Variants in AKAP9 observed in about 807,000 individuals in gnomAD.
AKAP9 encodes A-kinase anchor protein 9.
AKAP9 carries 311 observed loss-of-function variants against 488.5 expected under a neutral mutation model. That is an observed-to-expected ratio of 0.64 (90% CI 0.58 to 0.70). AKAP9 has a LOEUF of 0.70. AKAP9 is among the 30% of genes least tolerant of loss of function. AKAP9 has a pLI of 0.00. For missense variants in AKAP9, 4,215 were observed against 4,374.5 expected (o/e 0.96, Z 1.03); for synonymous variants, 1,462 against 1,483.5 (o/e 0.99, Z 0.33).
intron 21 of AKAP9, among the ~76,000 whole-genome samples, chr7:92,051,170 GCT>G (rs1297832683): frequency 6.6e-6 from 1 of 152,026 alleles, no homozygotes; most frequent in Non-Finnish European, 1.5e-5. Flanking sequence ...CCTTCTTTTA[GCT>G]CTCTCACCTA....
intron 11 of AKAP9, 61 bp downstream of exon 11, chr7:92,016,328 G>T (rs1801506195): frequency 1.6e-6 from 2 of 1,223,200 alleles, no homozygotes; most frequent in Admixed American, 2.4e-5. Flanking sequence ...ATTGATGACA[G>T]ATTTTTACTT....
chr7:92,041,146 A>G (rs1806038480), intron 18 of AKAP9: 2 of 451,022 alleles, frequency 4.4e-6, no homozygotes, highest in African/African-American at 4.0e-5. Context: ...CTGTCATTTT[A>G]TTTAACTCCT....
chr7:91,968,597 A>G (rs576851298), intron 1 of AKAP9, among the ~76,000 whole-genome samples: 40 of 152,094 alleles, frequency 2.6e-4, no homozygotes, highest in African/African-American at 9.6e-4. Flanking sequence ...TTTCATTTGT[A>G]TCTGCTCTGA....
chr7:92,048,486 A>G (rs913997639), intron 21 of AKAP9, among the ~76,000 whole-genome samples: 4 of 151,832 alleles, frequency 2.6e-5, no homozygotes, highest in African/African-American at 7.3e-5. Context: ...GGTTGTGTTG[A>G]AAAAAAAATT....
At chr7:92,102,442 TTACTATTACTACTAC>T (rs1335835261) in intron 45 of AKAP9, 137 bp from the exon 46 acceptor site, 8 of 554,284 alleles carry the variant, frequency 1.4e-5, no homozygotes, top group South Asian at 2.3e-5. Flanking sequence ...ACCTGCCGTT[TTACTATTACTACTAC>T]TACTACTACT....
intron 1 of AKAP9, among the ~76,000 whole-genome samples, chr7:91,966,537 G>A (rs1794463876): frequency 6.6e-6 from 1 of 152,194 alleles, no homozygotes; most frequent in Non-Finnish European, 1.5e-5. Context: ...TGGATAAAAT[G>A]TTTTGTAAAT....
chr7:92,024,209 C>G (rs1277415446), intron 14 of AKAP9, among the ~76,000 whole-genome samples: 1 of 151,276 alleles, frequency 6.6e-6, no homozygotes, highest in East Asian at 1.9e-4. Context: ...GTTAGGAGTT[C>G]GAGACCAGCC....
chr7:91,947,766 C>G (rs373571586), intron 1 of AKAP9, among the ~76,000 whole-genome samples: 1 of 152,158 alleles, frequency 6.6e-6, no homozygotes, highest in Non-Finnish European at 1.5e-5. Context: ...TTTGAGTTCT[C>G]TAGGTGCTAG....
chr7:92,056,286 G>T (rs73407518), intron 22 of AKAP9, among the ~76,000 whole-genome samples: 1 of 151,804 alleles, frequency 6.6e-6, no homozygotes, highest in East Asian at 1.9e-4. Context: ...TCAAATAAGA[G>T]AAACTAGATA....
At chr7:92,054,094 C>A (rs141960142) in intron 22 of AKAP9, among the ~76,000 whole-genome samples, 35 of 152,128 alleles carry the variant, frequency 2.3e-4, no homozygotes, top group African/African-American at 7.7e-4. Context: ...TGGGAGTAGG[C>A]GTTTTTAAAA....
chr7:91,982,235 A>G (rs1275339195), intron 3 of AKAP9, among the ~76,000 whole-genome samples: 5 of 151,992 alleles, frequency 3.3e-5, no homozygotes, highest in Non-Finnish European at 7.4e-5. Context: ...GTACCTGTGC[A>G]CAATGTGCAG....
rs551280652 is a variant in AKAP9, at chr7:91,963,582, A to G, written c.49-10129A>G. Among the ~76,000 whole-genome samples, 538 of 151,494 alleles carry G rather than the reference A, an allele frequency of 3.6e-3. 4 individuals carry two copies. Among genetic ancestry groups the G allele is most frequent in the African/African-American group, 0.012 (509 of 41,292 alleles). On this transcript the variant is annotated intron_variant, in intron 1 of 49. Transcript: ENST00000356239. ...GCCCAGGCTAGAGTGCAGTGGCATG[A>G]TCTCGGCTCACTGCAAGCTCCGCCT...
In AKAP9 at chr7:92,014,232, AT is replaced by A; in HGVS notation, c.3533-15del. ...GTATGTAAATTGAATTTCTTAATCC[AT>A]TATCTGTTCTATTAGGTGATGAAGG... On this transcript the variant is annotated splice_polypyrimidine_tract_variant and intron_variant, in intron 9 of 49. Transcript: ENST00000356239. 2 of 1,569,762 alleles carry A rather than the reference AT, an allele frequency of 1.3e-6. No homozygotes were observed. The highest frequency in any genetic ancestry group is 1.1e-5 in the South Asian group (1 of 89,844).
rs141768893 is a variant in AKAP9 at position 92,030,840 on chromosome 7, T to C, written c.4246-672T>C. Among the ~76,000 whole-genome samples, 112 of 152,226 alleles carry C rather than the reference T, an allele frequency of 7.4e-4. No homozygotes were observed. The East Asian group carries it at 0.011, about 14-fold the overall frequency. On this transcript the variant is annotated intron_variant, in intron 15 of 49. Coordinates refer to ENST00000356239, the MANE Select transcript of AKAP9 (RefSeq NM_005751.5). ...TTCTAAATTTCTCACACCTGCAACT[T>C]TCTCAAACTGGCAACTGCCAAACCC...
At chr7:91,961,452 A>G (rs953125775) in intron 1 of AKAP9, among the ~76,000 whole-genome samples, 2 of 151,830 alleles carry the variant, frequency 1.3e-5, no homozygotes, top group Middle Eastern at 3.2e-3. Context: ...TGCAGGGATT[A>G]CAGGTGTGAG....
Position 92,095,070 on chromosome 7 carries a change from C to T in AKAP9, c.9626C>T (p.Thr3209Ile). Reference sequence around the variant, plus strand: ...GATGAAGTACATTTGCTTAATGACACATTAGCAAGTGAACAGAAAAAATCA... The same window carrying T: ...GATGAAGTACATTTGCTTAATGACATATTAGCAAGTGAACAGAAAAAATCA... ...KTDEVHLLND[T>I]LASEQKKSRE... The change falls in exon 40 of 50, where the codon ACA becomes ATA. Residue 3209 changes from threonine to isoleucine, a missense_variant. Thr to Ile is a moderately conservative substitution (Grantham distance 89, BLOSUM62 -1). This residue lies in a region of AKAP9 where 1,476 missense variants were observed against 1,477.4 expected (regional missense o/e 1.00). Coordinates refer to ENST00000356239, the MANE Select transcript of AKAP9 (RefSeq NM_005751.5). 2 of 1,613,748 alleles carry T rather than the reference C, an allele frequency of 1.2e-6. No homozygotes were observed. The highest frequency in any genetic ancestry group is 1.1e-5 in the South Asian group (1 of 91,080).
chr7:92,099,987 T>C lies in AKAP9; in HGVS notation c.10896+118T>C, dbSNP rs550727287. 4.0e-5 allele frequency: 38 copies of C among 950,168 alleles called. No homozygotes were observed. The Admixed American group carries it at 7.2e-4, about 18-fold the overall frequency. The allele number at this position is 950,168 out of a possible 1,614,324, so 58.9% of individuals were successfully genotyped here. ...ACTATCACACACCTGATTCTTAGGA[T>C]CTGTAGAAAATTTTATAGGGATGAC... is the stretch of plus-strand genomic sequence containing the variant. On this transcript the variant is annotated intron_variant, in intron 44 of 49. Transcript: ENST00000356239.
rs1312948246 is a variant in AKAP9 at position 92,031,717 on chromosome 7, A to C, written c.4338+113A>C. The C allele has an allele frequency of 3.7e-6, 3 of 809,320 alleles. No homozygotes were observed. In the East Asian group the frequency reaches 7.6e-5, roughly 20 times the overall value. 50.1% of individuals were successfully genotyped at this position (809,320 alleles called of 1,614,324 possible). On this transcript the variant is annotated intron_variant, in intron 16 of 49. Transcript: ENST00000356239. ...ACTTTATAAGTTTCATATATAGTTC[A>C]TCTTTAAGTGATTGGATAATATCAA...
At chr7:92,102,471 ACTACT>A in intron 45 of AKAP9, 118 bp from the exon 46 acceptor site, 1 of 698,462 alleles carries the variant, frequency 1.4e-6, no homozygotes, top group Non-Finnish European at 2.6e-6. Flanking sequence ...TACTACTACT[ACTACT>A]ACTACTACTA....
Sources: allele counts gnomAD v4.1 joint callset (sites outside exome capture counted in the v4.1 genomes callset), GRCh38; gene constraint gnomAD v4.1.1; regional missense constraint gnomAD v4.1.1; transcripts MANE v1.5; gene names NCBI Gene and HGNC (gene_info 2026-07-23, HGNC 2026-07-21).